IGSF11: variants seen among roughly 807,000 people sequenced by gnomAD.
The protein encoded by IGSF11 is immunoglobulin superfamily member 11.
A neutral mutation model predicts 41.0 loss-of-function variants in IGSF11; 22 were observed. The ratio of observed to expected loss-of-function variants is 0.54; its 90% CI spans 0.38 to 0.77. The LOEUF (loss-of-function observed/expected upper bound fraction) is 0.77, where lower values mean the gene tolerates loss of function less well. Among genes scored for constraint, IGSF11 ranks in the 30% least tolerant of loss-of-function variants. The probability of loss-of-function intolerance (pLI) is 0.00; values close to 1 mark genes in which losing one functional copy is unlikely to be tolerated. For missense variants in IGSF11, 444 were observed against 530.8 expected (o/e 0.84, Z 1.61); for synonymous variants, 219 against 201.3 (o/e 1.09, Z -0.74).
chr3:119,086,316 G>A (rs1447885487), intron 1 of IGSF11, among the ~76,000 whole-genome samples: 1 of 152,148 alleles, frequency 6.6e-6, no homozygotes, highest in Non-Finnish European at 1.5e-5. Context: ...AAACATATTT[G>A]AGGATTCAAT....
At chr3:119,099,638 G>A (rs1351612224) in intron 1 of IGSF11, among the ~76,000 whole-genome samples, 1 of 152,166 alleles carries the variant, frequency 6.6e-6, no homozygotes, top group Non-Finnish European at 1.5e-5. Context: ...GACTAGTCAG[G>A]TATAGCTGCA....
intron 1 of IGSF11, among the ~76,000 whole-genome samples, chr3:119,020,068 C>T (rs1425704389): frequency 6.6e-6 from 1 of 152,150 alleles, no homozygotes. Flanking sequence ...CAAGCTCTTG[C>T]TAGACACTAA....
At chr3:119,093,368 G>A (rs1456764015) in intron 1 of IGSF11, among the ~76,000 whole-genome samples, 1 of 151,546 alleles carries the variant, frequency 6.6e-6, no homozygotes, top group Non-Finnish European at 1.5e-5. Flanking sequence ...CCCCGAAGAA[G>A]CTGCTGGCCA....
rs959001372 is a variant in IGSF11 at position 119,113,903 on chromosome 3, T to G, written c.-13-8698A>C. 2.6e-5 allele frequency among the ~76,000 whole-genome samples: 4 copies of G among 152,360 alleles called. No individual in the cohort carries two copies. The East Asian group carries it at 5.8e-4, about 22-fold the overall frequency. On this transcript the variant is annotated intron_variant, in intron 1 of 7. Transcript: ENST00000425327. Reference sequence around the variant, plus strand: ...AGCGGAGGTTCCCAAGCCTCAACTCTTAGCCTCTGCACACCCACAGGCTTA... The same window carrying G: ...AGCGGAGGTTCCCAAGCCTCAACTCGTAGCCTCTGCACACCCACAGGCTTA...
chr3:118,942,411 C>CT (rs1246817204), intron 1 of IGSF11, among the ~76,000 whole-genome samples: 2 of 152,216 alleles, frequency 1.3e-5, no homozygotes, highest in African/African-American at 2.4e-5. Flanking sequence ...ATGCTGCTAT[C>CT]TGTGCTAGCA....
intron 1 of IGSF11, among the ~76,000 whole-genome samples, chr3:119,042,383 A>G (rs1446131671): frequency 6.6e-6 from 1 of 152,216 alleles, no homozygotes; most frequent in Admixed American, 6.5e-5. Context: ...GGCAAGATCT[A>G]AGCCCTGATT....
At chr3:119,034,900 A>C (rs900852839), upstream of IGSF11, 135 of 1,063,228 alleles carry the variant, frequency 1.3e-4, no homozygotes, top group Non-Finnish European at 1.5e-4. Context: ...ACGCCCCGCT[A>C]CTCCAGCCGC....
intron 1 of IGSF11, among the ~76,000 whole-genome samples, chr3:119,048,050 G>C (rs1327916091): frequency 1.3e-5 from 2 of 151,110 alleles, no homozygotes; most frequent in Admixed American, 1.3e-4. Flanking sequence ...AAGCAGGAAA[G>C]ATCCAAAATT....
intron 1 of IGSF11, among the ~76,000 whole-genome samples, chr3:118,972,644 A>AG (rs1933572810): frequency 6.6e-6 from 1 of 152,226 alleles, no homozygotes; most frequent in South Asian, 2.1e-4. Flanking sequence ...CTGGACAGAT[A>AG]GATCCTCGTT....
intron 3 of IGSF11, among the ~76,000 whole-genome samples, chr3:118,927,174 G>A (rs1031764201): frequency 2.6e-5 from 4 of 152,096 alleles, no homozygotes; most frequent in Non-Finnish European, 4.4e-5. Flanking sequence ...TAACTACTGC[G>A]GTGGGGCAAA....
chr3:119,129,339 T>A (rs1206785993), intron 1 of IGSF11, among the ~76,000 whole-genome samples: 1 of 152,080 alleles, frequency 6.6e-6, no homozygotes, highest in Middle Eastern at 3.2e-3. Flanking sequence ...AATTCACTGG[T>A]GATAGTAAGT....
At chr3:119,109,426 G>A (rs923477465), upstream of IGSF11, among the ~76,000 whole-genome samples, 15 of 152,174 alleles carry the variant, frequency 9.9e-5, no homozygotes, top group African/African-American at 3.1e-4. Context: ...CTGAGGGATC[G>A]GTGGTGATAT....
At chr3:119,002,156 T>C (rs929514619) in intron 1 of IGSF11, among the ~76,000 whole-genome samples, 3 of 137,722 alleles carry the variant, frequency 2.2e-5, no homozygotes, top group Non-Finnish European at 3.1e-5. Flanking sequence ...TTTTTAATGA[T>C]TGCCATTCTA....
At chr3:119,125,163 G>A (rs1231887015) in intron 1 of IGSF11, among the ~76,000 whole-genome samples, 1 of 152,158 alleles carries the variant, frequency 6.6e-6, no homozygotes, top group African/African-American at 2.4e-5. Flanking sequence ...AATTCTAATG[G>A]GAGTACTTCA....
chr3:119,019,731 C>T (rs995103377), intron 1 of IGSF11, among the ~76,000 whole-genome samples: 1 of 152,112 alleles, frequency 6.6e-6, no homozygotes, highest in Non-Finnish European at 1.5e-5. Context: ...AATGCTCCTC[C>T]GTGAGGGTAT....
intron 1 of IGSF11, among the ~76,000 whole-genome samples, chr3:119,114,033 G>C (rs1053458134): frequency 6.6e-6 from 1 of 152,236 alleles, no homozygotes; most frequent in Non-Finnish European, 1.5e-5. Context: ...GAGCAGCTAG[G>C]ATGCAAGGAG....
intron 1 of IGSF11, among the ~76,000 whole-genome samples, chr3:118,995,460 T>C (rs982196263): frequency 3.9e-5 from 6 of 152,064 alleles, no homozygotes; most frequent in Non-Finnish European, 8.8e-5. Context: ...AACGGAAGAC[T>C]GGAGATTAAT....
At chr3:118,954,914 T>C (rs533209930) in intron 1 of IGSF11, among the ~76,000 whole-genome samples, 2 of 152,032 alleles carry the variant, frequency 1.3e-5, no homozygotes, top group African/African-American at 4.8e-5. Context: ...GATATTGGCA[T>C]GGATGAGGTA....
intron 1 of IGSF11, among the ~76,000 whole-genome samples, chr3:119,122,133 T>C (rs1178078839): frequency 2.0e-5 from 3 of 152,232 alleles, no homozygotes; most frequent in East Asian, 3.8e-4. Context: ...TAATTTCATA[T>C]TTCTGAAAGA....
Sources: gnomAD v4.1 joint callset for allele counts (sites outside exome capture counted in the v4.1 genomes callset) on GRCh38, gnomAD v4.1.1 for gene constraint, MANE v1.5 for transcripts, NCBI Gene and HGNC (gene_info 2026-07-23, HGNC 2026-07-21) for gene names.